Variants in METTL15 observed in about 807,000 individuals in gnomAD.
METTL15 encodes the protein methyltransferase 15, mitochondrial 12S rRNA N4-cytidine, also known as 12S rRNA N(4)-cytidine methyltransferase METTL15.
METTL15 carries 34 observed loss-of-function variants against 38.3 expected under a neutral mutation model. The ratio of observed to expected loss-of-function variants is 0.89; its 90% confidence interval spans 0.68 to 1.18. The LOEUF (loss-of-function observed/expected upper bound fraction) is 1.18. Among genes scored for constraint, METTL15 ranks in the 50% most tolerant of loss-of-function variants. The pLI is 0.00. For synonymous variants in METTL15, 162 were observed against 170.9 expected, an observed-to-expected ratio of 0.95 and a Z score of 0.41; for missense variants, 438 against 498.4, an observed-to-expected ratio of 0.88 and a Z score of 1.15.
chr11:28,240,296 AG>A (rs1387211853), intron 4 of METTL15, among the ~76,000 whole-genome samples: 1 of 152,214 alleles, frequency 6.6e-6, no homozygotes, highest in Non-Finnish European at 1.5e-5. Context: ...TTAAACGAGA[AG>A]AATGTGCTTT....
chr11:28,123,922 G>A, intron 3 of METTL15: 1 of 1,405,378 alleles, frequency 7.1e-7, no homozygotes, highest in Non-Finnish European at 9.5e-7. Context: ...TCCCACTTGA[G>A]GCGAGTATAC....
At chr11:28,274,578 G>C (rs1677720005) in intron 4 of METTL15, among the ~76,000 whole-genome samples, 1 of 151,908 alleles carries the variant, frequency 6.6e-6, no homozygotes, top group Admixed American at 6.6e-5. Flanking sequence ...CATATATAGA[G>C]TAGAATAAAA....
chr11:28,124,818 A>T (rs542869960), intron 3 of METTL15, among the ~76,000 whole-genome samples: 2 of 152,204 alleles, frequency 1.3e-5, no homozygotes, highest in African/African-American at 4.8e-5. Context: ...CCTCAGTTTT[A>T]TACCCCCTTA....
At chr11:28,213,633 A>T (rs1394809481) in intron 4 of METTL15, among the ~76,000 whole-genome samples, 7 of 150,200 alleles carry the variant, frequency 4.7e-5, no homozygotes, top group Non-Finnish European at 1.0e-4. Context: ...AAAAAAAAAA[A>T]TAGGAAAAAG....
chr11:28,494,113 T>C (rs1241588296), intron 6 of METTL15, among the ~76,000 whole-genome samples: 1 of 152,166 alleles, frequency 6.6e-6, no homozygotes, highest in Non-Finnish European at 1.5e-5. Flanking sequence ...CAAATTAGGA[T>C]GAAAGATGTC....
intron 6 of METTL15, among the ~76,000 whole-genome samples, chr11:28,524,617 T>C (rs531334530): frequency 2.0e-5 from 3 of 152,288 alleles, no homozygotes; most frequent in Admixed American, 6.5e-5. Flanking sequence ...AAAGTGTCTG[T>C]GGAAATTGCA....
rs1021608141 is a variant in METTL15 at position 28,240,554 on chromosome 11, G to C, written c.407+29356G>C. 2.0e-5 allele frequency among the ~76,000 whole-genome samples: 3 copies of C among 152,176 alleles called. No homozygotes were observed. The East Asian group carries it at 5.8e-4, about 29-fold the overall frequency. On this transcript the variant is annotated intron_variant, in intron 4 of 6. Transcript: ENST00000407364. ...TTTCTATACCAGTTTTTGAGGTGTA[G>C]TAACAGAGATCCAGTCATATAGCAA...
intron 6 of METTL15, among the ~76,000 whole-genome samples, chr11:28,494,392 G>T (rs1027056605): frequency 6.6e-6 from 1 of 152,116 alleles, no homozygotes; most frequent in Non-Finnish European, 1.5e-5. Context: ...CTTTCTTTTG[G>T]TTCTACAATT....
intron 4 of METTL15, among the ~76,000 whole-genome samples, chr11:28,220,902 T>C (rs896366226): frequency 6.6e-6 from 1 of 152,230 alleles, no homozygotes; most frequent in Non-Finnish European, 1.5e-5. Flanking sequence ...CACTCTCTTC[T>C]GGCTTGTAGA....
chr11:28,233,236 T>A (rs971481300), intron 4 of METTL15, among the ~76,000 whole-genome samples: 2 of 152,088 alleles, frequency 1.3e-5, no homozygotes, highest in Non-Finnish European at 2.9e-5. Context: ...GGACATAATA[T>A]ACTGCTTAAT....
At position 28,386,749 on chromosome 11, in the gene METTL15, A is replaced by C. The variant is rs780381541; in HGVS notation, c.*358+24713A>C. On this transcript the variant is annotated intron_variant and NMD_transcript_variant, in intron 5 of 7. Transcript: ENST00000532947. Reference sequence around the variant, plus strand: ...CATATATAACACTGTACCCAATAGCAACACATTGTACATTCTTTAATACAC... The same window carrying C: ...CATATATAACACTGTACCCAATAGCCACACATTGTACATTCTTTAATACAC... Among the ~76,000 whole-genome samples the C allele has an allele frequency of 4.6e-5, 7 of 152,132 alleles. No homozygotes were observed. In the South Asian group the frequency reaches 1.2e-3, roughly 27 times the overall value.
intron 5 of METTL15, among the ~76,000 whole-genome samples, chr11:28,367,032 A>G (rs889164670): frequency 6.6e-6 from 1 of 152,204 alleles, no homozygotes; most frequent in Non-Finnish European, 1.5e-5. Flanking sequence ...TAGTGTAATC[A>G]GGAAAAAATA....
At chr11:28,276,936 G>T (rs777464029) in intron 4 of METTL15, among the ~76,000 whole-genome samples, 1 of 152,056 alleles carries the variant, frequency 6.6e-6, no homozygotes, top group African/African-American at 2.4e-5. Context: ...TAAGTTAAAC[G>T]TGAGAGCGGA....
intron 4 of METTL15, among the ~76,000 whole-genome samples, chr11:28,271,950 C>A (rs549787593): frequency 1.3e-4 from 20 of 152,090 alleles, no homozygotes; most frequent in African/African-American, 4.8e-4. Flanking sequence ...ACGTGGTCAA[C>A]AAACATGAAA....
chr11:28,485,904 G>A (rs549955798), intron 6 of METTL15, among the ~76,000 whole-genome samples: 7 of 152,196 alleles, frequency 4.6e-5, no homozygotes, highest in Admixed American at 6.5e-5. Flanking sequence ...TCTTCTATGC[G>A]TGTGCATGTA....
chr11:28,263,801 A>G (rs536477972), intron 4 of METTL15, among the ~76,000 whole-genome samples: 2 of 152,020 alleles, frequency 1.3e-5, no homozygotes, highest in South Asian at 2.1e-4. Context: ...CTTCGTTTTT[A>G]TCTTTCTTTT....
intron 3 of METTL15, among the ~76,000 whole-genome samples, chr11:28,147,845 C>T (rs1849940236): frequency 6.6e-6 from 1 of 151,864 alleles, no homozygotes; most frequent in East Asian, 1.9e-4. Context: ...ATTTCCTCCA[C>T]CCTGACAAAC....
At chr11:28,267,556 C>T (rs973099085) in intron 4 of METTL15, among the ~76,000 whole-genome samples, 2 of 152,136 alleles carry the variant, frequency 1.3e-5, no homozygotes, top group Non-Finnish European at 2.9e-5. Flanking sequence ...TTACTATCTC[C>T]CACTCCCATT....
At chr11:28,464,650 G>T (rs1296970019) in intron 6 of METTL15, among the ~76,000 whole-genome samples, 1 of 152,146 alleles carries the variant, frequency 6.6e-6, no homozygotes, top group African/African-American at 2.4e-5. Context: ...AGCCAAAATA[G>T]TCTATTTTCT....
Sources: allele counts gnomAD v4.1 joint callset (sites outside exome capture counted in the v4.1 genomes callset), GRCh38; gene constraint gnomAD v4.1.1; transcripts MANE v1.5; gene names NCBI Gene and HGNC (gene_info 2026-07-23, HGNC 2026-07-21).